The following B3GNT2 variants were observed in gnomAD, a reference collection of about 807,000 sequenced individuals.
B3GNT2 encodes the protein N-acetyllactosaminide beta-1,3-N-acetylglucosaminyltransferase 2.
In B3GNT2, 12 loss-of-function variants were observed where a neutral mutation model predicts 27.6. The ratio of observed to expected loss-of-function variants is 0.44; its 90% CI spans 0.28 to 0.71. The LOEUF is 0.71. Ranked by LOEUF, B3GNT2 falls within the 30% of genes least tolerant of loss-of-function variation. The pLI is 0.17. For synonymous variants in B3GNT2, 192 were observed against 189.7 expected, an observed-to-expected ratio of 1.01 and a Z score of -0.10; for missense variants, 413 against 488.5, an observed-to-expected ratio of 0.85 and a Z score of 1.46.
In B3GNT2 at chr2:62,214,855, A is replaced by T. The variant is rs551199090; in HGVS notation, c.-9-7357A>T. Among the ~76,000 whole-genome samples, 63 of 152,122 alleles carry T rather than the reference A, an allele frequency of 4.1e-4. 1 individual carries two copies. The highest frequency in any genetic ancestry group is 6.9e-4 in the Non-Finnish European group (47 of 68,030). On this transcript the variant is annotated intron_variant, in intron 1 of 1. Coordinates refer to ENST00000301998, the MANE Select transcript of B3GNT2 (RefSeq NM_006577.6). ...TTTCCAGTCTGAAAATGGATCTGGG[A>T]CATCTCCATCCTCAAACGTCTGCTA...
intron 1 of B3GNT2, among the ~76,000 whole-genome samples, chr2:62,197,617 G>A (rs528118904): frequency 6.6e-6 from 1 of 152,308 alleles, no homozygotes; most frequent in African/African-American, 2.4e-5. Flanking sequence ...CGTAATATCC[G>A]ATAGCGAAGC....
At chr2:62,196,676 C>G (rs114491840) in intron 1 of B3GNT2, among the ~76,000 whole-genome samples, 2,461 of 152,356 alleles carry the variant, frequency 0.016, 65 homozygotes, top group African/African-American at 0.057. Context: ...CCGTGCCCAC[C>G]TCGCCCTGGA....
intron 1 of B3GNT2, among the ~76,000 whole-genome samples, chr2:62,221,677 G>A (rs1395283947): frequency 1.3e-5 from 2 of 152,206 alleles, no homozygotes. Flanking sequence ...AAATGAAATA[G>A]AAGAGAACTT....
Position 62,222,182 on chromosome 2 carries a change from T to G in B3GNT2, c.-9-30T>G. On this transcript the variant is annotated intron_variant, in intron 1 of 1. Transcript: ENST00000301998. The surrounding 1 kb of genome is among the most constrained non-coding windows in gnomAD (Gnocchi z 4.2). ...TGTGCAAATGCAAATTGATAAGTAA[T>G]TGATACAATACTCCACCCCTTTATT... 1 of 1,523,766 alleles carries G rather than the reference T, an allele frequency of 6.6e-7. No homozygotes were observed. The highest frequency in any genetic ancestry group is 8.8e-7 in the Non-Finnish European group (1 of 1,133,140). The allele number at this position is 1,523,766 out of a possible 1,614,324, so 94.4% of individuals were successfully genotyped here. A position where few individuals can be genotyped will look rare whatever the true frequency, so the allele number is the denominator to read the frequency against.
chr2:62,197,551 G>A (rs1674177928), intron 1 of B3GNT2, among the ~76,000 whole-genome samples: 1 of 152,218 alleles, frequency 6.6e-6, no homozygotes, highest in Non-Finnish European at 1.5e-5. Context: ...TTCTCAGAAA[G>A]ATTGTTTAGA....
intron 1 of B3GNT2, among the ~76,000 whole-genome samples, chr2:62,204,177 C>T (rs1053658957): frequency 6.6e-6 from 1 of 152,172 alleles, no homozygotes; most frequent in Admixed American, 6.5e-5. Flanking sequence ...CAGGCATGCA[C>T]CACCATGCCT....
intron 1 of B3GNT2, among the ~76,000 whole-genome samples, chr2:62,220,174 G>T (rs1465620517): frequency 1.3e-5 from 2 of 152,234 alleles, no homozygotes; most frequent in Non-Finnish European, 2.9e-5. Flanking sequence ...TTTATGGAGG[G>T]ACTGTTACCA....
At chr2:62,219,966 C>A (rs1372516000) in intron 1 of B3GNT2, among the ~76,000 whole-genome samples, 3 of 152,284 alleles carry the variant, frequency 2.0e-5, no homozygotes, top group South Asian at 4.1e-4. Flanking sequence ...GAAGACCAAT[C>A]TTAGTTTCTA....
intron 1 of B3GNT2, among the ~76,000 whole-genome samples, chr2:62,203,274 T>C (rs1225076054): frequency 1.3e-5 from 2 of 152,108 alleles, no homozygotes; most frequent in African/African-American, 4.8e-5. Flanking sequence ...GAAAGACTCC[T>C]GGTGGGTGTA....
At chr2:62,214,353 G>T (rs572374492) in intron 1 of B3GNT2, among the ~76,000 whole-genome samples, 1 of 152,090 alleles carries the variant, frequency 6.6e-6, no homozygotes, top group East Asian at 1.9e-4. Context: ...GGAGAGATGA[G>T]GAGGGAGCTA....
In B3GNT2 at chr2:62,222,145, A is replaced by G; in HGVS notation, c.-9-67A>G. On this transcript the variant is annotated intron_variant, in intron 1 of 1. Coordinates refer to ENST00000301998, the MANE Select transcript of B3GNT2 (RefSeq NM_006577.6). This position sits in a 1 kb window ranked among gnomAD's most constrained non-coding sequence, Gnocchi z 4.2. Reference sequence around the variant, plus strand: ...ACCACTATTCCTGGGGAGACAGGTAAAATAAATTGTATGTGCAAATGCAAA... The same window carrying G: ...ACCACTATTCCTGGGGAGACAGGTAGAATAAATTGTATGTGCAAATGCAAA... The G allele has an allele frequency of 2.2e-6, 3 of 1,367,154 alleles. No homozygotes were observed. Among genetic ancestry groups the G allele is most frequent in the Non-Finnish European group, 3.0e-6 (3 of 1,000,810 alleles). 84.7% of individuals were successfully genotyped at this position (1,367,154 alleles called of 1,614,324 possible).
intron 1 of B3GNT2, among the ~76,000 whole-genome samples, chr2:62,206,874 C>G (rs1674385559): frequency 6.6e-6 from 1 of 152,198 alleles, no homozygotes; most frequent in African/African-American, 2.4e-5. Context: ...TCTGGTGTCC[C>G]CTTCGCTGTA....
chr2:62,210,206 G>A (rs1045372668), intron 1 of B3GNT2, among the ~76,000 whole-genome samples: 2 of 152,096 alleles, frequency 1.3e-5, no homozygotes, highest in African/African-American at 4.8e-5. Flanking sequence ...AATCCTCCTC[G>A]AGCAACGGTA....
chr2:62,200,801 G>T (rs937811864), intron 1 of B3GNT2, among the ~76,000 whole-genome samples: 1 of 152,130 alleles, frequency 6.6e-6, no homozygotes, highest in Non-Finnish European at 1.5e-5. Flanking sequence ...TGAACTTCAT[G>T]TAAGTGGAAT....
chr2:62,222,371 A>G lies in B3GNT2; in HGVS notation c.151A>G (p.Ile51Val). 4.3e-6 allele frequency: 7 copies of G among 1,614,174 alleles called. No individual in the cohort carries two copies. The highest frequency in any genetic ancestry group is 1.6e-4 in the Middle Eastern group (1 of 6,062). ...VIIPKEKFWK[I>V]STPPEAYWNR... ...AATACCCAAAGAGAAGTTCTGGAAG[A>G]TATCTACCCCTCCCGAGGCATACTG... is the stretch of plus-strand genomic sequence containing the variant. Residue 51 changes from isoleucine (I) to valine (V), a missense_variant, in exon 2 of 2, where the codon ATA becomes GTA. Transcript: ENST00000301998. The surrounding 1 kb of genome is among the most constrained non-coding windows in gnomAD (Gnocchi z 4.2).
intron 1 of B3GNT2, among the ~76,000 whole-genome samples, chr2:62,202,661 A>G (rs1256994719): frequency 6.6e-6 from 1 of 152,224 alleles, no homozygotes; most frequent in Non-Finnish European, 1.5e-5. Context: ...CGGGCAGGTC[A>G]TTGCAGTCCC....
chr2:62,196,487 C>G (rs867903658), intron 1 of B3GNT2, 132 bp downstream of exon 1: 2 of 152,762 alleles, frequency 1.3e-5, no homozygotes, highest in African/African-American at 2.4e-5. Context: ...TACCCCCGCC[C>G]GGTTCCTCGC....
intron 1 of B3GNT2, among the ~76,000 whole-genome samples, chr2:62,203,401 TA>T (rs1464024786): frequency 6.6e-6 from 1 of 151,902 alleles, no homozygotes; most frequent in Non-Finnish European, 1.5e-5. Context: ...GGGACAAGAA[TA>T]GGGGGTAAGG....
chr2:62,202,362 T>C (rs1447352867), intron 1 of B3GNT2, among the ~76,000 whole-genome samples: 2 of 152,186 alleles, frequency 1.3e-5, no homozygotes, highest in African/African-American at 4.8e-5. Context: ...CAAGGGATTG[T>C]AGGCTGAGAA....
Sources: gnomAD v4.1 joint callset for allele counts (sites outside exome capture counted in the v4.1 genomes callset) on GRCh38, gnomAD v4.1.1 for gene constraint, Gnocchi (gnomAD v3.1) non-coding constraint, MANE v1.5 for transcripts, NCBI Gene and HGNC (gene_info 2026-07-23, HGNC 2026-07-21) for gene names.